The following EDNRA variants were observed in gnomAD, a reference collection of about 807,000 sequenced individuals.
EDNRA encodes the protein endothelin receptor type A, also known as endothelin-1 receptor.
In EDNRA, 11 loss-of-function variants were observed where a neutral mutation model predicts 41.4. The observed-to-expected ratio is 0.27, with a 90% confidence interval of 0.17 to 0.44. The LOEUF is 0.44. Ranked by LOEUF, EDNRA falls within the 20% of genes least tolerant of loss-of-function variation. The probability of loss-of-function intolerance (pLI) is 1.00; values close to 1 mark genes in which losing one functional copy is unlikely to be tolerated. For synonymous variants in EDNRA, 172 were observed against 183.0 expected, an observed-to-expected ratio of 0.94 and a Z score of 0.49; for missense variants, 294 against 531.0, an observed-to-expected ratio of 0.55 and a Z score of 4.39.
At chr4:147,485,370 G>A (rs1009520580) in intron 1 of EDNRA, among the ~76,000 whole-genome samples, 1 of 152,216 alleles carries the variant, frequency 6.6e-6, no homozygotes, top group South Asian at 2.1e-4. Flanking sequence ...AGACGGAGAT[G>A]ACAGAGATGA....
intron 5 of EDNRA, among the ~76,000 whole-genome samples, chr4:147,538,270 G>C (rs965283788): frequency 6.6e-6 from 1 of 152,018 alleles, no homozygotes; most frequent in South Asian, 2.1e-4. Flanking sequence ...AAAACAACCC[G>C]TCATGGGTGT....
At chr4:147,541,067 C>CAAAAA (rs10551607) in intron 7 of EDNRA, among the ~76,000 whole-genome samples, 9 of 46,170 alleles carry the variant, frequency 1.9e-4, no homozygotes, top group East Asian at 1.1e-3. Context: ...GACTCAGTCT[C>CAAAAA]AAAAAAAAAA....
chr4:147,544,822 C>T lies in EDNRA; in HGVS notation c.*2204C>T, dbSNP rs200184245. On this transcript the variant is annotated 3_prime_UTR_variant, in exon 8 of 8. Coordinates refer to ENST00000651419, the MANE Select transcript of EDNRA (RefSeq NM_001957.4). The stretch of plus-strand genomic sequence containing the variant: ...TGGACTGGTAAGTAACTGTGGTTTA[C>T]TAGCAGGAATATTTCCAATTTCTAC... 8 of 152,580 alleles carry T rather than the reference C, an allele frequency of 5.2e-5. No individual in the cohort carries two copies. Among genetic ancestry groups the T allele is most frequent in the African/African-American group, 1.9e-4 (8 of 41,424 alleles). The allele number at this position is 152,580 out of a possible 1,614,324, so 9.5% of individuals were successfully genotyped here.
rs1377132199 is a variant in EDNRA at position 147,543,845 on chromosome 4, G to A, written c.*1227G>A. On this transcript the variant is annotated 3_prime_UTR_variant, in exon 8 of 8. Transcript: ENST00000651419. The stretch of plus-strand genomic sequence containing the variant: ...GAACTTACGATTCTTCACTTCTTGG[G>A]GTTTTCAGTATGAACCTAACTCCCC... The A allele has an allele frequency of 3.3e-5, 5 of 152,410 alleles. No individual in the cohort carries two copies. Among genetic ancestry groups the A allele is most frequent in the African/African-American group, 1.2e-4 (5 of 41,360 alleles). The allele number at this position is 152,410 out of a possible 1,614,324, so 9.4% of individuals were successfully genotyped here.
intron 4 of EDNRA, among the ~76,000 whole-genome samples, chr4:147,533,033 A>G (rs1006496937): frequency 6.6e-6 from 1 of 151,974 alleles, no homozygotes; most frequent in Non-Finnish European, 1.5e-5. Context: ...GTGTATATAT[A>G]TATATACATA....
At chr4:147,506,107 C>A in intron 2 of EDNRA, 1 of 524,248 alleles carries the variant, frequency 1.9e-6, no homozygotes. Flanking sequence ...GAATATTTGT[C>A]ACAGCAATGA....
intron 1 of EDNRA, among the ~76,000 whole-genome samples, chr4:147,482,219 T>G (rs1390266380): frequency 6.6e-6 from 1 of 152,258 alleles, no homozygotes; most frequent in Non-Finnish European, 1.5e-5. Flanking sequence ...TCATTTCATG[T>G]AAATTGAATG....
At chr4:147,525,366 T>G (rs1730500020) in intron 3 of EDNRA, among the ~76,000 whole-genome samples, 1 of 152,186 alleles carries the variant, frequency 6.6e-6, no homozygotes, top group South Asian at 2.1e-4. Context: ...ACATCCTTGG[T>G]CATTTGAGAA....
chr4:147,495,460 A>ATT (rs1181583631), intron 2 of EDNRA: 9 of 152,210 alleles, frequency 5.9e-5, no homozygotes, highest in Non-Finnish European at 1.2e-4. Flanking sequence ...GCACTCCAAA[A>ATT]TAGCATCTAT....
At chr4:147,502,143 A>G (rs1729538617) in intron 2 of EDNRA, among the ~76,000 whole-genome samples, 1 of 152,310 alleles carries the variant, frequency 6.6e-6, no homozygotes, top group East Asian at 1.9e-4. Flanking sequence ...AATTTTGGAA[A>G]CGTATTGGGT....
chr4:147,532,443 T>C, intron 3 of EDNRA, 63 bp from the exon 4 acceptor site: 1 of 1,481,806 alleles, frequency 6.7e-7, no homozygotes, highest in African/African-American at 1.4e-5. Context: ...ACTTACAATT[T>C]TTGTTTAATT....
chr4:147,512,908 C>T (rs935843856), intron 2 of EDNRA, among the ~76,000 whole-genome samples: 2 of 151,790 alleles, frequency 1.3e-5, no homozygotes, highest in Admixed American at 6.5e-5. Flanking sequence ...AACCATGAAC[C>T]ATCAATAGTT....
chr4:147,535,408 A>G (rs1156934090), intron 4 of EDNRA, among the ~76,000 whole-genome samples: 2 of 152,224 alleles, frequency 1.3e-5, no homozygotes, highest in Non-Finnish European at 2.9e-5. Flanking sequence ...CAGATAAGCC[A>G]TTCGTAACCT....
chr4:147,526,771 C>A (rs933184803), intron 3 of EDNRA, among the ~76,000 whole-genome samples: 4 of 152,182 alleles, frequency 2.6e-5, no homozygotes, highest in Non-Finnish European at 5.9e-5. Flanking sequence ...ATAGCGAGAT[C>A]CTTGTCTCTA....
intron 2 of EDNRA, among the ~76,000 whole-genome samples, chr4:147,512,455 T>C (rs937379458): frequency 2.0e-5 from 3 of 152,240 alleles, no homozygotes; most frequent in Non-Finnish European, 4.4e-5. Context: ...ACACCGAATA[T>C]TCAGTAGTGA....
At chr4:147,504,432 C>T (rs7685925) in intron 2 of EDNRA, among the ~76,000 whole-genome samples, 2,240 of 152,148 alleles carry the variant, frequency 0.015, 56 homozygotes, top group African/African-American at 0.049. Flanking sequence ...TATTTAATTA[C>T]ATAATATCAA....
chr4:147,527,014 T>TCA (rs1287798696), intron 3 of EDNRA, among the ~76,000 whole-genome samples: 4 of 152,220 alleles, frequency 2.6e-5, no homozygotes, highest in African/African-American at 9.6e-5. Context: ...GAGATATAAA[T>TCA]CATTAACAAC....
intron 2 of EDNRA, chr4:147,491,127 T>C (rs566052566): frequency 6.6e-6 from 1 of 152,240 alleles, no homozygotes; most frequent in Non-Finnish European, 1.5e-5. Context: ...TAATTTTGTC[T>C]ACCCTAAGCA....
chr4:147,518,151 C>A (rs1340489229), intron 2 of EDNRA, among the ~76,000 whole-genome samples: 2 of 152,146 alleles, frequency 1.3e-5, no homozygotes, highest in African/African-American at 2.4e-5. Flanking sequence ...TAATTCTGAG[C>A]CAGAATTCTA....
Sources: gnomAD v4.1 joint callset for allele counts (sites outside exome capture counted in the v4.1 genomes callset) on GRCh38, gnomAD v4.1.1 for gene constraint, MANE v1.5 for transcripts, NCBI Gene and HGNC (gene_info 2026-07-23, HGNC 2026-07-21) for gene names.